Variants in NCAM2 observed in about 807,000 individuals in gnomAD.
The protein encoded by NCAM2 is N-CAM-2.
NCAM2 carries 30 observed loss-of-function variants against 98.1 expected under a neutral mutation model. That is an observed-to-expected ratio of 0.31 (90% CI 0.23 to 0.41). The LOEUF is 0.41. Among genes scored for constraint, NCAM2 ranks in the 10% least tolerant of loss-of-function variants. NCAM2 has a pLI of 1.00. For missense variants in NCAM2, 867 were observed against 1,005.8 expected (o/e 0.86, Z 1.87); for synonymous variants, 368 against 342.4 (o/e 1.07, Z -0.83).
At chr21:21,001,831 T>A (rs535292515) in intron 1 of NCAM2, among the ~76,000 whole-genome samples, 1 of 152,306 alleles carries the variant, frequency 6.6e-6, no homozygotes, top group South Asian at 2.1e-4. Flanking sequence ...AGTTGATCAG[T>A]TAAAGCAGTC....
At chr21:21,299,106 T>C (rs2073608902) in intron 5 of NCAM2, among the ~76,000 whole-genome samples, 1 of 151,602 alleles carries the variant, frequency 6.6e-6, no homozygotes, top group Non-Finnish European at 1.5e-5. Context: ...AAAATAAAAG[T>C]CACCATCAAG....
intron 16 of NCAM2, among the ~76,000 whole-genome samples, chr21:21,510,453 C>T (rs1383527191): frequency 1.3e-5 from 2 of 152,036 alleles, no homozygotes; most frequent in Non-Finnish European, 2.9e-5. Context: ...GTCTACCCTT[C>T]TGTATCTGAC....
At chr21:21,463,439 T>C (rs772833621) in intron 12 of NCAM2, among the ~76,000 whole-genome samples, 2 of 152,164 alleles carry the variant, frequency 1.3e-5, no homozygotes, top group Non-Finnish European at 2.9e-5. Flanking sequence ...ATATAAACTT[T>C]GCAAAACTTA....
At position 21,324,159 on chromosome 21, in the gene NCAM2, G is replaced by A. The variant is rs113717622; in HGVS notation, c.620-224G>A. 2.5e-3 allele frequency among the ~76,000 whole-genome samples: 373 copies of A among 152,090 alleles called. 2 individuals are homozygous for A. Among genetic ancestry groups the A allele is most frequent in the African/African-American group, 8.1e-3 (336 of 41,502 alleles). On this transcript the variant is annotated intron_variant, in intron 5 of 17. Coordinates refer to ENST00000400546, the MANE Select transcript of NCAM2 (RefSeq NM_004540.5). The stretch of plus-strand genomic sequence containing the variant: ...TTGGACATATGTAACAAACCTGTAC[G>A]TTGTGCACATGTACCCTAGAACTTA...
intron 1 of NCAM2, among the ~76,000 whole-genome samples, chr21:21,245,359 A>G (rs1248338914): frequency 1.3e-5 from 2 of 152,168 alleles, no homozygotes; most frequent in African/African-American, 4.8e-5. Context: ...GAGTGATTGC[A>G]TATGTGTTCG....
chr21:21,320,632 A>G (rs1230900681), intron 5 of NCAM2, among the ~76,000 whole-genome samples: 1 of 152,170 alleles, frequency 6.6e-6, no homozygotes. Flanking sequence ...TGATATGACT[A>G]TATGAAAGTA....
chr21:21,368,069 C>A (rs899477783), intron 8 of NCAM2, among the ~76,000 whole-genome samples: 1 of 151,566 alleles, frequency 6.6e-6, no homozygotes, highest in Admixed American at 6.6e-5. Context: ...GCTTTATTAT[C>A]ATAATATTTT....
intron 15 of NCAM2, among the ~76,000 whole-genome samples, chr21:21,481,887 C>G (rs748563282): frequency 6.6e-6 from 1 of 152,108 alleles, no homozygotes; most frequent in Admixed American, 6.5e-5. Context: ...GTGACAAGGT[C>G]GGGAGTTTGA....
chr21:21,383,001 C>A (rs1004912676), intron 9 of NCAM2, among the ~76,000 whole-genome samples: 3 of 152,070 alleles, frequency 2.0e-5, no homozygotes, highest in Non-Finnish European at 4.4e-5. Context: ...AAAATAGTTG[C>A]TCTAAAATCT....
chr21:21,348,587 G>GAA (rs755280800), intron 8 of NCAM2, among the ~76,000 whole-genome samples: 1 of 142,556 alleles, frequency 7.0e-6, no homozygotes, highest in Non-Finnish European at 1.5e-5. Context: ...CACAGAAATA[G>GAA]AAAAAACTTT....
intron 16 of NCAM2, among the ~76,000 whole-genome samples, chr21:21,530,314 A>AATT (rs1782829270): frequency 1.3e-4 from 3 of 23,520 alleles, no homozygotes; most frequent in Admixed American, 6.4e-4. Context: ...TAAATTATAT[A>AATT]TAATTAAATT....
intron 1 of NCAM2, among the ~76,000 whole-genome samples, chr21:21,146,822 A>AT (rs1429840379): frequency 3.3e-5 from 5 of 152,156 alleles, no homozygotes; most frequent in African/African-American, 4.8e-5. Flanking sequence ...ATGAACTATC[A>AT]TTTTGACACA....
intron 1 of NCAM2, among the ~76,000 whole-genome samples, chr21:21,206,307 G>A (rs1250105079): frequency 1.3e-5 from 2 of 152,110 alleles, no homozygotes; most frequent in Non-Finnish European, 2.9e-5. Flanking sequence ...ACATAAAGTT[G>A]TGAAAGCTCT....
intron 1 of NCAM2, among the ~76,000 whole-genome samples, chr21:21,234,735 G>A (rs952300915): frequency 1.3e-5 from 2 of 151,900 alleles, no homozygotes; most frequent in Admixed American, 1.3e-4. Flanking sequence ...GTCTGGAGCA[G>A]AGGGAGCTTT....
chr21:21,082,812 A>T (rs1351057910), intron 1 of NCAM2, among the ~76,000 whole-genome samples: 1 of 152,166 alleles, frequency 6.6e-6, no homozygotes, highest in Non-Finnish European at 1.5e-5. Context: ...TCACAAATTC[A>T]CCATCTCTCT....
intron 1 of NCAM2, among the ~76,000 whole-genome samples, chr21:21,217,511 A>G (rs987005536): frequency 7.2e-5 from 11 of 152,176 alleles, no homozygotes; most frequent in Non-Finnish European, 1.6e-4. Context: ...AAAATCTTAA[A>G]AACTAGTTTC....
chr21:21,444,818 G>A (rs1198773178), intron 12 of NCAM2, among the ~76,000 whole-genome samples: 1 of 151,754 alleles, frequency 6.6e-6, no homozygotes, highest in Non-Finnish European at 1.5e-5. Flanking sequence ...AGTGTTTTTG[G>A]TGTCACTGTC....
At chr21:21,020,728 G>A (rs377238626) in intron 1 of NCAM2, among the ~76,000 whole-genome samples, 4 of 152,100 alleles carry the variant, frequency 2.6e-5, no homozygotes, top group Admixed American at 2.0e-4. Context: ...AGCTAGTTCG[G>A]TAACAATATA....
At chr21:21,246,337 A>T (rs2071270346) in intron 1 of NCAM2, among the ~76,000 whole-genome samples, 1 of 152,126 alleles carries the variant, frequency 6.6e-6, no homozygotes, top group South Asian at 2.1e-4. Flanking sequence ...TCGGTAAACT[A>T]TGAGGTAAAT....
Sources: gnomAD v4.1 joint callset for allele counts (sites outside exome capture counted in the v4.1 genomes callset) on GRCh38, gnomAD v4.1.1 for gene constraint, MANE v1.5 for transcripts, NCBI Gene and HGNC (gene_info 2026-07-23, HGNC 2026-07-21) for gene names.